CPS1: variants seen among roughly 807,000 people sequenced by gnomAD.
CPS1 encodes the protein carbamoyl-phosphate synthase 1.
In CPS1, 109 loss-of-function variants were observed where a neutral mutation model predicts 174.6. The observed-to-expected ratio is 0.62, with a 90% CI of 0.53 to 0.73. The LOEUF is 0.73. Among genes scored for constraint, CPS1 ranks in the 30% least tolerant of loss-of-function variants. CPS1 has a pLI of 0.00. For synonymous variants in CPS1, 637 were observed against 632.0 expected (o/e 1.01, Z -0.12); for missense variants, 1,689 against 1,821.9 (o/e 0.93, Z 1.33).
Position 210,556,807 on chromosome 2 carries a change from C to T in CPS1, c.74C>T (p.Ala25Val), listed in dbSNP as rs149570645. The T allele has an allele frequency of 8.7e-6, 14 of 1,613,114 alleles. No individual in the cohort carries two copies. In the East Asian group the frequency reaches 2.5e-4, roughly 28 times the overall value. The stretch of plus-strand genomic sequence containing the variant: ...GGTTTTGGCTTTACCAATGTGACTG[C>T]ACACCAAAAATGGAAATTTTCAAGA... Reference protein sequence around the residue: ...KTGFGFTNVTAHQKWKFSRPG... With the variant: ...KTGFGFTNVTVHQKWKFSRPG... Residue 25 changes from alanine to valine, a missense_variant, in exon 1 of 38, where the codon GCA (alanine) becomes GTA (valine). Ala to Val is a moderately conservative substitution (Grantham distance 64, BLOSUM62 0). Coordinates refer to ENST00000233072, the MANE Select transcript of CPS1 (RefSeq NM_001875.5).
At chr2:210,542,760 C>T (rs1299625201) in intron 1 of CPS1, among the ~76,000 whole-genome samples, 12 of 152,100 alleles carry the variant, frequency 7.9e-5, no homozygotes, top group Non-Finnish European at 1.8e-4. Flanking sequence ...CCCTTCTTGG[C>T]TCCACATTCT....
In CPS1 at chr2:210,599,825, A is replaced by G. The variant is rs112724994; in HGVS notation, c.1549+264A>G. On this transcript the variant is annotated intron_variant, in intron 14 of 37. Transcript: ENST00000233072. ...TAGGTTTCTTGCATTTCTCTACTCT[A>G]TCGCAGGATATTGCTTTTCTCTGTT... is the stretch of plus-strand genomic sequence containing the variant. Among the ~76,000 whole-genome samples, 2,599 of 152,020 alleles carry G rather than the reference A, an allele frequency of 0.017. 63 individuals carry two copies. Among genetic ancestry groups the G allele is most frequent in the Middle Eastern group, 0.065 (19 of 294 alleles).
intron 2 of CPS1, among the ~76,000 whole-genome samples, chr2:210,575,797 C>T (rs1161392714): frequency 6.6e-6 from 1 of 152,004 alleles, no homozygotes; most frequent in East Asian, 1.9e-4. Flanking sequence ...TAAATTAACT[C>T]ACTTATTCTA....
At position 210,667,107 on chromosome 2, in the gene CPS1, C is replaced by T. The variant is rs536332989; in HGVS notation, c.4003-1079C>T. 1.1e-4 allele frequency among the ~76,000 whole-genome samples: 16 copies of T among 152,076 alleles called. No individual in the cohort carries two copies. The South Asian group carries it at 3.3e-3, about 32-fold the overall frequency. ...TGAAGCAATTGTGAATGGGAGTTCC[C>T]TCATGATTTGGCTCTCTGTTTGTCT... On this transcript the variant is annotated intron_variant, in intron 33 of 37. Coordinates refer to ENST00000233072, the MANE Select transcript of CPS1 (RefSeq NM_001875.5).
At chr2:210,485,775 C>A (rs1694699920) in intron 1 of CPS1, among the ~76,000 whole-genome samples, 1 of 152,056 alleles carries the variant, frequency 6.6e-6, no homozygotes, top group African/African-American at 2.4e-5. Flanking sequence ...TCTTTCATTT[C>A]TCTTGTGTAG....
intron 1 of CPS1, among the ~76,000 whole-genome samples, chr2:210,525,095 AT>A (rs1218995294): frequency 1.3e-5 from 2 of 151,602 alleles, no homozygotes; most frequent in African/African-American, 4.8e-5. Flanking sequence ...ATCATCAGTC[AT>A]TTTTCTACTT....
intron 1 of CPS1, among the ~76,000 whole-genome samples, chr2:210,559,407 T>G (rs1220464000): frequency 6.6e-6 from 1 of 152,096 alleles, no homozygotes; most frequent in African/African-American, 2.4e-5. Context: ...ATGACGCACT[T>G]ATAATTTTAT....
intron 1 of CPS1, among the ~76,000 whole-genome samples, chr2:210,559,390 G>A (rs1559076211): frequency 1.3e-5 from 2 of 151,960 alleles, no homozygotes; most frequent in Admixed American, 6.6e-5. Flanking sequence ...TGGGTTTGAC[G>A]ACAGCAATGA....
intron 21 of CPS1, among the ~76,000 whole-genome samples, chr2:210,622,074 A>C (rs1699546545): frequency 6.6e-6 from 1 of 151,726 alleles, no homozygotes; most frequent in African/African-American, 2.4e-5. Context: ...GATACTTGCT[A>C]TTTAACCCCT....
chr2:210,556,640 CT>C lies in CPS1; in HGVS notation c.-93del. 1 of 1,572,680 alleles carries C rather than the reference CT, an allele frequency of 6.4e-7. No homozygotes were observed. The highest frequency in any genetic ancestry group is 8.6e-7 in the Non-Finnish European group (1 of 1,158,898). The stretch of plus-strand genomic sequence containing the variant: ...TCAGCCTTAAACACTGACTGCACCC[CT>C]CCCAGATTTCTTTTACATTAACTAA... On this transcript the variant is annotated 5_prime_UTR_variant, in exon 1 of 38. Transcript: ENST00000233072.
At chr2:210,545,700 C>A (rs1406094079) in intron 1 of CPS1, among the ~76,000 whole-genome samples, 2 of 151,868 alleles carry the variant, frequency 1.3e-5, no homozygotes, top group African/African-American at 4.8e-5. Flanking sequence ...ACAATTTATA[C>A]CTTGTCTTTG....
chr2:210,491,602 C>T (rs531460659), intron 1 of CPS1, among the ~76,000 whole-genome samples: 5 of 152,096 alleles, frequency 3.3e-5, no homozygotes, highest in African/African-American at 9.7e-5. Flanking sequence ...CATGAGCCAC[C>T]GCACCTGGAC....
chr2:210,498,002 A>G (rs1695044747), intron 1 of CPS1, among the ~76,000 whole-genome samples: 1 of 150,220 alleles, frequency 6.7e-6, no homozygotes, highest in South Asian at 2.1e-4. Flanking sequence ...ACTGCTTTCC[A>G]CAGTGGCTGA....
chr2:210,544,017 T>G (rs1014428625), intron 1 of CPS1, among the ~76,000 whole-genome samples: 2 of 152,086 alleles, frequency 1.3e-5, no homozygotes, highest in African/African-American at 4.8e-5. Context: ...TTGATGGATA[T>G]TCTCTCATTA....
At chr2:210,519,270 A>G (rs1695758927) in intron 1 of CPS1, among the ~76,000 whole-genome samples, 1 of 152,174 alleles carries the variant, frequency 6.6e-6, no homozygotes, top group Admixed American at 6.6e-5. Context: ...CTGAAACTAC[A>G]GATAAGTTAT....
At chr2:210,571,210 A>G (rs1201486264) in intron 1 of CPS1, among the ~76,000 whole-genome samples, 1 of 151,946 alleles carries the variant, frequency 6.6e-6, no homozygotes, top group East Asian at 1.9e-4. Context: ...AATTTAGTGA[A>G]GACAAACTCC....
At chr2:210,549,777 T>C (rs939839559) in intron 1 of CPS1, among the ~76,000 whole-genome samples, 1 of 152,008 alleles carries the variant, frequency 6.6e-6, no homozygotes, top group African/African-American at 2.4e-5. Context: ...AGGTTTTCAA[T>C]TTTCTACAAA....
At chr2:210,623,260 C>T (rs143821643) in intron 21 of CPS1, among the ~76,000 whole-genome samples, 13 of 152,158 alleles carry the variant, frequency 8.5e-5, no homozygotes, top group African/African-American at 1.9e-4. Context: ...TCATTTTACA[C>T]GTTCAAAAGT....
chr2:210,482,631 A>G (rs888969557), intron 1 of CPS1, among the ~76,000 whole-genome samples: 3 of 151,050 alleles, frequency 2.0e-5, no homozygotes, highest in South Asian at 2.1e-4. Flanking sequence ...TTTGCAGACT[A>G]TAGACTAGAG....
Sources: allele counts gnomAD v4.1 joint callset (sites outside exome capture counted in the v4.1 genomes callset), GRCh38; gene constraint gnomAD v4.1.1; transcripts MANE v1.5; gene names NCBI Gene and HGNC (gene_info 2026-07-23, HGNC 2026-07-21).